The following VIL1 variants were observed in gnomAD, a reference collection of about 807,000 sequenced individuals.
VIL1 encodes villin-1.
A neutral mutation model predicts 104.0 loss-of-function variants in VIL1; 86 were observed. The ratio of observed to expected loss-of-function variants is 0.83; its 90% CI spans 0.69 to 0.99. The LOEUF (loss-of-function observed/expected upper bound fraction) is 0.99. VIL1 is among the 50% of genes least tolerant of loss of function. The probability of loss-of-function intolerance (pLI) is 0.00; values close to 1 mark genes in which losing one functional copy is unlikely to be tolerated. For synonymous variants in VIL1, 394 were observed against 412.6 expected, an observed-to-expected ratio of 0.95 and a Z score of 0.55; for missense variants, 944 against 1,054.1, an observed-to-expected ratio of 0.90 and a Z score of 1.45.
chr2:218,428,387 C>CA, intron 6 of VIL1, 50 bp downstream of exon 6: 1 of 1,514,952 alleles, frequency 6.6e-7, no homozygotes, highest in African/African-American at 1.4e-5. Flanking sequence ...AGACTGCCCC[C>CA]ACCTGCTCCT....
chr2:218,435,689 T>TCCTGGCCATA (rs1423944215), intron 15 of VIL1, among the ~76,000 whole-genome samples: 2 of 152,190 alleles, frequency 1.3e-5, no homozygotes, highest in Admixed American at 6.5e-5. Context: ...CAAAGGGAAT[T>TCCTGGCCATA]CCTGGCCATA....
chr2:218,422,569 A>G (rs938663050), intron 1 of VIL1, among the ~76,000 whole-genome samples: 4 of 152,298 alleles, frequency 2.6e-5, no homozygotes, highest in Admixed American at 2.0e-4. Context: ...CTTACCTCCA[A>G]CTCTAGAACG....
intron 19 of VIL1, among the ~76,000 whole-genome samples, chr2:218,445,914 G>C (rs564696323): frequency 6.6e-6 from 1 of 152,312 alleles, no homozygotes; most frequent in African/African-American, 2.4e-5. Context: ...CCAAGGCTTA[G>C]AAAGGTAGTG....
chr2:218,439,828 A>C (rs925481423), intron 18 of VIL1, among the ~76,000 whole-genome samples: 2 of 151,664 alleles, frequency 1.3e-5, no homozygotes, highest in African/African-American at 4.8e-5. Context: ...AAAAAAAAAA[A>C]AAAAAAAAAC....
chr2:218,424,362 G>A lies in VIL1; in HGVS notation c.150+11G>A. Reference sequence around the variant, plus strand: ...TACATCATCCTGGCTGTGAGTCAGGGGCAGGGGAGGGGGCTGAGCAGAGAG... The same window carrying A: ...TACATCATCCTGGCTGTGAGTCAGGAGCAGGGGAGGGGGCTGAGCAGAGAG... On this transcript the variant is annotated intron_variant, in intron 3 of 19. Transcript: ENST00000248444. 6.2e-7 allele frequency: 1 copy of A among 1,613,286 alleles called. No individual in the cohort carries two copies. Among genetic ancestry groups the A allele is most frequent in the Non-Finnish European group, 8.5e-7 (1 of 1,179,750 alleles).
At chr2:218,441,748 G>A (rs956097419) in intron 19 of VIL1, among the ~76,000 whole-genome samples, 2 of 152,180 alleles carry the variant, frequency 1.3e-5, no homozygotes, top group African/African-American at 2.4e-5. Context: ...AGCACTTTGA[G>A]AGGCCGAGGA....
At position 218,429,932 on chromosome 2, in the gene VIL1, C is replaced by T. The variant is rs1325926346; in HGVS notation, c.933C>T (p.Ala311=). 1 of 1,558,476 alleles carries T rather than the reference C, an allele frequency of 6.4e-7. No individual in the cohort carries two copies. Among genetic ancestry groups the T allele is most frequent in the African/African-American group, 1.4e-5 (1 of 71,908 alleles). The stretch of plus-strand genomic sequence containing the variant: ...CCAATGAGCAGGAGAAGAAGGGAGC[C>T]ATGAGCCATGCGCTGGTAGTGGTGG... ...KKANEQEKKG[A]MSHALNFIKA... The change falls in exon 9 of 20, where the codon GCC becomes GCT. Residue 311 remains alanine (A), a synonymous_variant. Transcript: ENST00000248444.
intron 19 of VIL1, among the ~76,000 whole-genome samples, chr2:218,442,162 G>A (rs1689294931): frequency 6.6e-6 from 1 of 152,084 alleles, no homozygotes; most frequent in Non-Finnish European, 1.5e-5. Context: ...ACATTTAGGA[G>A]GTAAAATCAA....
intron 2 of VIL1, 25 bp downstream of exon 2, chr2:218,423,878 G>T (rs762429006): frequency 6.2e-7 from 1 of 1,613,468 alleles, no homozygotes; most frequent in Non-Finnish European, 8.5e-7. Flanking sequence ...GGGCATGGGG[G>T]CTGCTCAGGC....
chr2:218,421,884 C>T (rs898763381), intron 1 of VIL1, among the ~76,000 whole-genome samples: 2 of 152,146 alleles, frequency 1.3e-5, no homozygotes, highest in African/African-American at 2.4e-5. Flanking sequence ...ATTTAGTTAA[C>T]CCCCTAAGTT....
chr2:218,432,402 T>G, intron 12 of VIL1: 1 of 780,536 alleles, frequency 1.3e-6, no homozygotes, highest in South Asian at 1.5e-5. Context: ...TTCATTGCCT[T>G]CTGCACATTC....
chr2:218,444,721 G>A (rs899786839), intron 19 of VIL1, among the ~76,000 whole-genome samples: 1 of 152,350 alleles, frequency 6.6e-6, no homozygotes, highest in South Asian at 2.1e-4. Context: ...ACAACAGTGG[G>A]GTGGTGGGTC....
chr2:218,445,156 T>C (rs888608817), intron 19 of VIL1, among the ~76,000 whole-genome samples: 3 of 152,156 alleles, frequency 2.0e-5, no homozygotes, highest in Admixed American at 6.5e-5. Flanking sequence ...CCCAGGCACT[T>C]TGGGAGGCCA....
intron 4 of VIL1, among the ~76,000 whole-genome samples, chr2:218,427,211 G>A (rs924015421): frequency 6.6e-5 from 10 of 152,010 alleles, no homozygotes; most frequent in Admixed American, 2.0e-4. Context: ...CTCTTCCCAC[G>A]CTATGGCAGT....
At chr2:218,438,926 ATTTT>A (rs34676834) in intron 18 of VIL1, among the ~76,000 whole-genome samples, 200 bp downstream of exon 18, 4 of 107,630 alleles carry the variant, frequency 3.7e-5, no homozygotes, top group East Asian at 2.7e-4. Context: ...ATGGTTCTCA[ATTTT>A]TTTTTTTTTT....
intron 19 of VIL1, among the ~76,000 whole-genome samples, chr2:218,446,860 T>C (rs891520071): frequency 1.4e-5 from 2 of 148,044 alleles, no homozygotes; most frequent in Non-Finnish European, 2.9e-5. Context: ...GCCTCCCAAG[T>C]TGAAGCAATT....
Position 218,450,685 on chromosome 2 carries a change from G to C in VIL1, c.*1349G>C, listed in dbSNP as rs548725085. Reference sequence around the variant, plus strand: ...GGCCCACTATTTTTGAAGTAGACCAGTTTAGTTGACTGTTCTTCTTTGTTC... The same window carrying C: ...GGCCCACTATTTTTGAAGTAGACCACTTTAGTTGACTGTTCTTCTTTGTTC... On this transcript the variant is annotated 3_prime_UTR_variant, in exon 20 of 20. Transcript: ENST00000248444. The C allele has an allele frequency of 1.3e-5, 2 of 152,410 alleles. No individual in the cohort carries two copies. The highest frequency in any genetic ancestry group is 4.8e-5 in the African/African-American group (2 of 41,572). 9.4% of individuals were successfully genotyped at this position (152,410 alleles called of 1,614,324 possible). A position where few individuals can be genotyped will look rare whatever the true frequency, so the allele number is the denominator to read the frequency against.
Position 218,449,270 on chromosome 2 carries a change from A to C in VIL1, c.2418A>C (p.Pro806=), listed in dbSNP as rs760309072. The C allele has an allele frequency of 5.8e-5, 93 of 1,613,982 alleles. No homozygotes were observed. Among genetic ancestry groups the C allele is most frequent in the Non-Finnish European group, 7.8e-5 (92 of 1,179,976 alleles). ...EDFTQAFGMT[P]AAFSALPRWK... Reference sequence around the variant, plus strand: ...TCACTCAGGCCTTTGGGATGACTCCAGCTGCCTTCTCTGCTCTGCCTCGAT... The same window carrying C: ...TCACTCAGGCCTTTGGGATGACTCCCGCTGCCTTCTCTGCTCTGCCTCGAT... The change falls in exon 20 of 20, where the codon CCA becomes CCC. Residue 806 remains proline, a synonymous_variant. Transcript: ENST00000248444.
rs141496205 is a variant in VIL1 at position 218,419,623 on chromosome 2, G to A, written c.-12+455G>A. ...TTCCTCTGACACTCCTGGGACCTCC[G>A]GGTCCTGCCTCCTGGCTCCTAGCAT... On this transcript the variant is annotated intron_variant, in intron 1 of 19. Transcript: ENST00000248444. Among the ~76,000 whole-genome samples, 77 of 152,226 alleles carry A rather than the reference G, an allele frequency of 5.1e-4. 1 individual carries two copies. In the East Asian group the frequency reaches 0.013, roughly 25 times the overall value.
Sources: allele counts gnomAD v4.1 joint callset (sites outside exome capture counted in the v4.1 genomes callset), GRCh38; gene constraint gnomAD v4.1.1; transcripts MANE v1.5; gene names NCBI Gene and HGNC (gene_info 2026-07-23, HGNC 2026-07-21).